ZNF385B: variants seen among roughly 807,000 people sequenced by gnomAD.
ZNF385B encodes zinc finger protein 385B.
Under a neutral mutation model 39.2 loss-of-function variants are expected in ZNF385B, and 23 were observed. The observed-to-expected ratio is 0.59, with a 90% CI of 0.42 to 0.83. ZNF385B has a LOEUF of 0.83. Ranked by LOEUF, ZNF385B falls within the 40% of genes least tolerant of loss-of-function variation. The pLI, the probability that ZNF385B is intolerant of heterozygous loss-of-function variation, is 0.00. For missense variants in ZNF385B, 552 were observed against 598.9 expected (o/e 0.92, Z 0.82); for synonymous variants, 205 against 222.6 (o/e 0.92, Z 0.70).
chr2:179,457,230 G>C (rs1445781533), intron 6 of ZNF385B, among the ~76,000 whole-genome samples: 1 of 152,094 alleles, frequency 6.6e-6, no homozygotes, highest in Non-Finnish European at 1.5e-5. Flanking sequence ...TCACTGCTGG[G>C]TAGTACCCCA....
intron 1 of ZNF385B, among the ~76,000 whole-genome samples, chr2:179,834,714 C>G (rs113524202): frequency 2.0e-5 from 3 of 152,236 alleles, no homozygotes; most frequent in African/African-American, 7.2e-5. Flanking sequence ...TATTCAGAAT[C>G]TTAGTTATTG....
In ZNF385B at chr2:179,556,106, C is replaced by T. The variant is rs1050987353; in HGVS notation, c.299-11137G>A. On this transcript the variant is annotated intron_variant, in intron 3 of 9. Coordinates refer to ENST00000410066, the MANE Select transcript of ZNF385B (RefSeq NM_152520.6). ...CACCGAGATGCAACAGATGGCTTTT[C>T]AGATGCTGTGGCAATAGAATATGTA... 1.0e-4 allele frequency among the ~76,000 whole-genome samples: 15 copies of T among 148,338 alleles called. 2 individuals carry two copies. Among genetic ancestry groups the T allele is most frequent in the African/African-American group, 3.1e-4 (12 of 39,150 alleles).
intron 3 of ZNF385B, among the ~76,000 whole-genome samples, chr2:179,766,614 ATCTG>A (rs1703709495): frequency 6.6e-6 from 1 of 151,922 alleles, no homozygotes; most frequent in Non-Finnish European, 1.5e-5. Context: ...CTCTGTGCAT[ATCTG>A]TCTCTGTGTC....
chr2:179,690,314 G>T (rs771756984), intron 3 of ZNF385B, among the ~76,000 whole-genome samples: 4 of 152,126 alleles, frequency 2.6e-5, no homozygotes, highest in Non-Finnish European at 5.9e-5. Flanking sequence ...ACGGAAAAGT[G>T]ATCTAATTGT....
intron 5 of ZNF385B, among the ~76,000 whole-genome samples, chr2:179,488,016 G>A (rs747912908): frequency 3.9e-5 from 6 of 152,156 alleles, no homozygotes; most frequent in Non-Finnish European, 1.5e-5. Context: ...GAATTTCTTA[G>A]AACCCCATTG....
intron 3 of ZNF385B, among the ~76,000 whole-genome samples, chr2:179,555,938 A>G (rs1324155815): frequency 6.7e-6 from 1 of 149,444 alleles, no homozygotes. Flanking sequence ...AATCCTTTTG[A>G]GCACTGCACT....
At chr2:179,795,082 TAG>T (rs1705574029) in intron 1 of ZNF385B, among the ~76,000 whole-genome samples, 1 of 152,040 alleles carries the variant, frequency 6.6e-6, no homozygotes, top group African/African-American at 2.4e-5. Flanking sequence ...AAATGTTTTC[TAG>T]AGAGAAAAAA....
rs1400822 is a variant in ZNF385B at position 179,532,728 on chromosome 2, C to G, written c.441+12099G>C. 1.3e-5 allele frequency among the ~76,000 whole-genome samples: 2 copies of G among 152,020 alleles called. 1 individual carries two copies. The highest frequency in any genetic ancestry group is 4.8e-5 in the African/African-American group (2 of 41,456). On this transcript the variant is annotated intron_variant, in intron 4 of 9. Transcript: ENST00000410066. The stretch of plus-strand genomic sequence containing the variant: ...AATACCTACACCTGACAACACAAGA[C>G]GCTGATATGCCACTTTATTAAAAAG...
chr2:179,484,911 C>T (rs189036814), intron 5 of ZNF385B, among the ~76,000 whole-genome samples: 16 of 152,102 alleles, frequency 1.1e-4, no homozygotes, highest in East Asian at 3.9e-4. Context: ...AAAGTACTGA[C>T]GCTAGAGTGC....
chr2:179,860,382 C>T (rs761624138), intron 1 of ZNF385B, among the ~76,000 whole-genome samples: 3 of 152,148 alleles, frequency 2.0e-5, no homozygotes, highest in Non-Finnish European at 2.9e-5. Context: ...AAGCATCGTC[C>T]TGCCAGCTCT....
At chr2:179,643,559 CA>C (rs1441128929) in intron 3 of ZNF385B, among the ~76,000 whole-genome samples, 1 of 152,040 alleles carries the variant, frequency 6.6e-6, no homozygotes, top group Admixed American at 6.5e-5. Flanking sequence ...TTTATACCTG[CA>C]AAAACAAGGA....
chr2:179,778,719 T>C (rs1704489226), intron 1 of ZNF385B, among the ~76,000 whole-genome samples: 1 of 152,208 alleles, frequency 6.6e-6, no homozygotes. Flanking sequence ...TTGAAATTAT[T>C]GCATTTTTAT....
intron 3 of ZNF385B, among the ~76,000 whole-genome samples, chr2:179,670,432 G>GT (rs1190270784): frequency 6.6e-6 from 1 of 151,664 alleles, no homozygotes; most frequent in Admixed American, 6.6e-5. Context: ...CCATACAGAT[G>GT]TAACAGTCAT....
rs555136451 is a variant in ZNF385B, at chr2:179,858,638, T to C, written c.-155+2463A>G. Among the ~76,000 whole-genome samples the C allele has an allele frequency of 3.3e-5, 5 of 151,670 alleles. No individual in the cohort carries two copies. The East Asian group carries it at 9.7e-4, about 29-fold the overall frequency. ...GACACAGTGGGGACAGAGTCAGGAA[T>C]TGGGGTGGTGGCAAAATAGAGATAA... On this transcript the variant is annotated intron_variant, in intron 1 of 9. Coordinates refer to ENST00000410066, the MANE Select transcript of ZNF385B (RefSeq NM_152520.6).
At chr2:179,565,855 C>T (rs1684506998) in intron 3 of ZNF385B, among the ~76,000 whole-genome samples, 1 of 152,194 alleles carries the variant, frequency 6.6e-6, no homozygotes, top group South Asian at 2.1e-4. Context: ...TTCACATCTC[C>T]ATTACAGTAC....
intron 1 of ZNF385B, among the ~76,000 whole-genome samples, chr2:179,777,877 A>G (rs903729473): frequency 3.3e-5 from 5 of 151,738 alleles, no homozygotes; most frequent in African/African-American, 1.2e-4. Context: ...GGTTCAAGCA[A>G]TTCTCCCGCC....
intron 3 of ZNF385B, among the ~76,000 whole-genome samples, chr2:179,688,561 C>T (rs1026764533): frequency 1.5e-4 from 23 of 152,136 alleles, no homozygotes; most frequent in Admixed American, 1.4e-3. Flanking sequence ...CATTGTTGAA[C>T]TATCTCCTTT....
intron 3 of ZNF385B, among the ~76,000 whole-genome samples, chr2:179,729,658 C>T (rs1410158125): frequency 6.6e-6 from 1 of 152,122 alleles, no homozygotes; most frequent in African/African-American, 2.4e-5. Flanking sequence ...AGATTAAATA[C>T]CATATGATAT....
At chr2:179,660,608 T>A (rs1191932469) in intron 3 of ZNF385B, among the ~76,000 whole-genome samples, 1 of 152,186 alleles carries the variant, frequency 6.6e-6, no homozygotes, top group Non-Finnish European at 1.5e-5. Flanking sequence ...AAAATACAGA[T>A]ATATTTATTA....
Sources: allele counts gnomAD v4.1 joint callset (sites outside exome capture counted in the v4.1 genomes callset), GRCh38; gene constraint gnomAD v4.1.1; transcripts MANE v1.5; gene names NCBI Gene and HGNC (gene_info 2026-07-23, HGNC 2026-07-21).